SMOC2: variants seen among roughly 807,000 people sequenced by gnomAD.
The protein encoded by SMOC2 is SPARC related modular calcium binding 2, also known as SPARC-related modular calcium-binding protein 2.
A neutral mutation model predicts 61.4 loss-of-function variants in SMOC2; 39 were observed. The observed-to-expected ratio is 0.64, with a 90% CI of 0.49 to 0.83. The LOEUF (loss-of-function observed/expected upper bound fraction) is 0.83. Among genes scored for constraint, SMOC2 ranks in the 40% least tolerant of loss-of-function variants. The probability of loss-of-function intolerance (pLI) is 0.00; values close to 1 mark genes in which losing one functional copy is unlikely to be tolerated. For missense variants in SMOC2, 556 were observed against 592.9 expected, an observed-to-expected ratio of 0.94 and a Z score of 0.65; for synonymous variants, 247 against 239.9, an observed-to-expected ratio of 1.03 and a Z score of -0.27.
intron 1 of SMOC2, among the ~76,000 whole-genome samples, chr6:168,504,170 T>G (rs965390769): frequency 6.6e-6 from 1 of 152,048 alleles, no homozygotes; most frequent in Admixed American, 6.6e-5. Flanking sequence ...TCCTCTGGGT[T>G]CCTTAGATGG....
intron 4 of SMOC2, among the ~76,000 whole-genome samples, chr6:168,542,850 T>C (rs548963890): frequency 3.2e-4 from 49 of 152,178 alleles, no homozygotes; most frequent in African/African-American, 1.2e-3. Flanking sequence ...ATATGCAAAA[T>C]TGAAAAAAAA....
At chr6:168,546,999 C>T (rs1784019652) in intron 5 of SMOC2, 120 bp from the exon 6 acceptor site, 3 of 1,178,814 alleles carry the variant, frequency 2.5e-6, no homozygotes, top group Non-Finnish European at 3.8e-6. Flanking sequence ...TGTGGGGTTG[C>T]TGTTGTGGTT....
chr6:168,551,507 G>A (rs1004548809), intron 7 of SMOC2, among the ~76,000 whole-genome samples: 3 of 151,702 alleles, frequency 2.0e-5, no homozygotes, highest in Non-Finnish European at 4.4e-5. Flanking sequence ...AGGCTGGCGA[G>A]CAGCAGCACA....
Position 168,613,548 on chromosome 6 carries a change from C to G in SMOC2, c.907+5309C>G, listed in dbSNP as rs535903696. Among the ~76,000 whole-genome samples, 3 of 152,260 alleles carry G rather than the reference C, an allele frequency of 2.0e-5. No individual in the cohort carries two copies. In the East Asian group the frequency reaches 5.8e-4, roughly 29 times the overall value. On this transcript the variant is annotated intron_variant, in intron 9 of 12. Transcript: ENST00000356284. ...AGTGTTTCTGGAAGCTCTATGGACCCAGCAGACTTCATGAATGGTCAAGGC... is the reference window on the plus strand; with the variant it reads ...AGTGTTTCTGGAAGCTCTATGGACCGAGCAGACTTCATGAATGGTCAAGGC...
At chr6:168,537,966 T>A (rs1256267947) in intron 4 of SMOC2, among the ~76,000 whole-genome samples, 1 of 151,204 alleles carries the variant, frequency 6.6e-6, no homozygotes, top group Non-Finnish European at 1.5e-5. Flanking sequence ...ATCTGGGGAG[T>A]GGGGTGAGCT....
chr6:168,604,294 G>T (rs1194256646), intron 8 of SMOC2, among the ~76,000 whole-genome samples: 1 of 152,192 alleles, frequency 6.6e-6, no homozygotes, highest in Non-Finnish European at 1.5e-5. Flanking sequence ...TCATTGGTCA[G>T]AATTAGATCA....
intron 1 of SMOC2, among the ~76,000 whole-genome samples, chr6:168,503,645 A>G (rs563168865): frequency 3.9e-5 from 6 of 152,258 alleles, no homozygotes; most frequent in African/African-American, 1.2e-4. Flanking sequence ...AGTGTCAGAG[A>G]TTGCACGGGT....
chr6:168,537,433 C>T (rs1783758445), intron 4 of SMOC2, among the ~76,000 whole-genome samples: 1 of 151,770 alleles, frequency 6.6e-6, no homozygotes, highest in South Asian at 2.1e-4. Context: ...TGTGAGAAGA[C>T]TTGCTTAGCT....
At chr6:168,486,696 T>A (rs892331179) in intron 1 of SMOC2, among the ~76,000 whole-genome samples, 1 of 151,966 alleles carries the variant, frequency 6.6e-6, no homozygotes, top group Non-Finnish European at 1.5e-5. Flanking sequence ...GCTGATGATA[T>A]GAAAACCTAT....
At chr6:168,613,506 A>G (rs1785946268) in intron 9 of SMOC2, among the ~76,000 whole-genome samples, 1 of 152,152 alleles carries the variant, frequency 6.6e-6, no homozygotes, top group African/African-American at 2.4e-5. Context: ...TATTTTGGTC[A>G]AACAGCCTCT....
intron 1 of SMOC2, among the ~76,000 whole-genome samples, chr6:168,471,179 C>A (rs1318406725): frequency 2.0e-5 from 3 of 152,178 alleles, no homozygotes; most frequent in Non-Finnish European, 4.4e-5. Context: ...ATATCCAGAA[C>A]TTTTTCAACT....
chr6:168,549,667 C>T (rs1460257985), intron 7 of SMOC2, among the ~76,000 whole-genome samples: 1 of 152,092 alleles, frequency 6.6e-6, no homozygotes, highest in African/African-American at 2.4e-5. Flanking sequence ...ACAGTGGACC[C>T]ATGACATCAA....
At chr6:168,457,484 A>G (rs1418349887) in intron 1 of SMOC2, among the ~76,000 whole-genome samples, 1 of 152,190 alleles carries the variant, frequency 6.6e-6, no homozygotes, top group Non-Finnish European at 1.5e-5. Context: ...TCGGGTGCCC[A>G]GTAATCACAA....
chr6:168,516,195 G>T (rs1783130118), intron 2 of SMOC2, among the ~76,000 whole-genome samples: 1 of 152,152 alleles, frequency 6.6e-6, no homozygotes, highest in African/African-American at 2.4e-5. Flanking sequence ...CAGTGATCTA[G>T]CCATTGACCT....
chr6:168,554,809 G>T (rs1476954632), intron 7 of SMOC2, among the ~76,000 whole-genome samples: 8 of 152,224 alleles, frequency 5.3e-5, no homozygotes, highest in Non-Finnish European at 1.2e-4. Context: ...GAGATGGTCA[G>T]GTCGGCTGCC....
intron 5 of SMOC2, among the ~76,000 whole-genome samples, chr6:168,546,905 G>A (rs1474652045): frequency 1.3e-5 from 2 of 152,310 alleles, no homozygotes; most frequent in South Asian, 2.1e-4. Context: ...TCAGTGTCTA[G>A]CCTCGAGCAT....
chr6:168,577,364 GCT>G (rs1784828940), intron 7 of SMOC2, among the ~76,000 whole-genome samples: 1 of 152,056 alleles, frequency 6.6e-6, no homozygotes, highest in South Asian at 2.1e-4. Flanking sequence ...CTAAACAAGT[GCT>G]CTCTCTCTTT....
intron 1 of SMOC2, among the ~76,000 whole-genome samples, chr6:168,486,120 T>G (rs555221280): frequency 9.2e-5 from 14 of 152,220 alleles, no homozygotes; most frequent in Non-Finnish European, 1.9e-4. Context: ...GGGGACTGTT[T>G]GTCTTAGTGT....
chr6:168,591,849 ATATAT>A (rs1785188352), intron 7 of SMOC2, among the ~76,000 whole-genome samples: 1 of 152,098 alleles, frequency 6.6e-6, no homozygotes, highest in South Asian at 2.1e-4. Flanking sequence ...TTTTCATCTA[ATATAT>A]TAAAATGGAA....
Sources: allele counts gnomAD v4.1 joint callset (sites outside exome capture counted in the v4.1 genomes callset), GRCh38; gene constraint gnomAD v4.1.1; transcripts MANE v1.5; gene names NCBI Gene and HGNC (gene_info 2026-07-23, HGNC 2026-07-21).